KIAA1217: variants seen among roughly 807,000 people sequenced by gnomAD.
KIAA1217 encodes sickle tail protein homolog.
Under a neutral mutation model 163.9 loss-of-function variants are expected in KIAA1217, and 88 were observed. That is an observed-to-expected ratio of 0.54 (90% CI 0.45 to 0.64). KIAA1217 has a LOEUF of 0.64. Ranked by LOEUF, KIAA1217 falls within the 30% of genes least tolerant of loss-of-function variation. KIAA1217 has a pLI of 0.00. For synonymous variants in KIAA1217, 903 were observed against 923.1 expected, an observed-to-expected ratio of 0.98 and a Z score of 0.39; for missense variants, 2,372 against 2,475.0, an observed-to-expected ratio of 0.96 and a Z score of 0.88.
At chr10:24,188,658 T>C (rs1320453137) in intron 2 of KIAA1217, among the ~76,000 whole-genome samples, 1 of 151,572 alleles carries the variant, frequency 6.6e-6, no homozygotes, top group African/African-American at 2.4e-5. Flanking sequence ...AAGATGGAGG[T>C]TGGGCCTTAA....
chr10:24,239,218 A>C (rs1006414431), intron 2 of KIAA1217: 1 of 985,170 alleles, frequency 1.0e-6, no homozygotes. Flanking sequence ...CCAGACATGG[A>C]GGGGGGTTTT....
At chr10:23,882,323 G>C (rs889698552) in intron 1 of KIAA1217, among the ~76,000 whole-genome samples, 1 of 151,838 alleles carries the variant, frequency 6.6e-6, no homozygotes, top group East Asian at 2.0e-4. Flanking sequence ...GATGATCAAT[G>C]TTAATCAATA....
chr10:23,790,299 A>G (rs1197139876), intron 1 of KIAA1217, among the ~76,000 whole-genome samples: 1 of 97,488 alleles, frequency 1.0e-5, no homozygotes, highest in African/African-American at 4.7e-5. Flanking sequence ...ATGCATATGC[A>G]CATATGCATA....
At chr10:24,083,650 T>C (rs930274583) in intron 2 of KIAA1217, among the ~76,000 whole-genome samples, 1 of 152,222 alleles carries the variant, frequency 6.6e-6, no homozygotes, top group East Asian at 1.9e-4. Flanking sequence ...TTTCTAAATA[T>C]GTTTTCCATC....
intron 2 of KIAA1217, among the ~76,000 whole-genome samples, chr10:24,314,108 AC>A (rs971441822): frequency 1.3e-5 from 2 of 151,852 alleles, no homozygotes; most frequent in African/African-American, 4.8e-5. Flanking sequence ...AACCTTATTT[AC>A]CCTTGAAAGA....
chr10:23,760,290 G>A (rs1435718133), intron 1 of KIAA1217, among the ~76,000 whole-genome samples: 4 of 152,204 alleles, frequency 2.6e-5, no homozygotes, highest in East Asian at 1.9e-4. Flanking sequence ...TGGCTGGGAT[G>A]ACTGCTACAG....
At chr10:23,889,954 T>C (rs1412600642) in intron 1 of KIAA1217, among the ~76,000 whole-genome samples, 1 of 151,848 alleles carries the variant, frequency 6.6e-6, no homozygotes, top group African/African-American at 2.4e-5. Flanking sequence ...TAGCAGGTTG[T>C]AGGTTAACCC....
rs550986919 is a variant in KIAA1217, at chr10:24,319,113, C to T, written c.355-61756C>T. Among the ~76,000 whole-genome samples, 5 of 152,266 alleles carry T rather than the reference C, an allele frequency of 3.3e-5. No homozygotes were observed. The South Asian group carries it at 1.0e-3, about 32-fold the overall frequency. ...CGCTTTGGGGCCGGGCGTGGTGGCT[C>T]ACGCCTGTAATCCCAACACTTTGGG... On this transcript the variant is annotated intron_variant, in intron 2 of 20. Transcript: ENST00000376454.
chr10:24,109,855 T>C (rs1198529282), intron 2 of KIAA1217, among the ~76,000 whole-genome samples: 1 of 152,228 alleles, frequency 6.6e-6, no homozygotes, highest in African/African-American at 2.4e-5. Context: ...TAGATTGTTA[T>C]TGATGTCATG....
At chr10:24,284,379 C>T (rs1398483102) in intron 2 of KIAA1217, among the ~76,000 whole-genome samples, 3 of 152,096 alleles carry the variant, frequency 2.0e-5, no homozygotes, top group Admixed American at 1.3e-4. Flanking sequence ...TGTTCCTCTC[C>T]CTCCCACTCT....
In KIAA1217 at chr10:24,153,162, C is replaced by T. The variant is rs553141904; in HGVS notation, c.-170-66464C>T. Among the ~76,000 whole-genome samples, 13 of 152,292 alleles carry T rather than the reference C, an allele frequency of 8.5e-5. No individual in the cohort carries two copies. The South Asian group carries it at 2.7e-3, about 32-fold the overall frequency. On this transcript the variant is annotated intron_variant, in intron 2 of 18. Transcript: ENST00000376462. ...TGACTGTGGGGCTGTCTGTTTCGCT[C>T]CTGGGTTGATTGGCTACAGCTGGTC...
intron 2 of KIAA1217, among the ~76,000 whole-genome samples, chr10:24,247,347 G>A (rs1051635860): frequency 4.0e-5 from 6 of 151,652 alleles, no homozygotes; most frequent in Non-Finnish European, 7.4e-5. Context: ...GGCTGGTCTC[G>A]AACTCCTCCT....
chr10:24,236,668 T>C lies in KIAA1217; in HGVS notation c.354+16759T>C, dbSNP rs143627626. On this transcript the variant is annotated intron_variant, in intron 2 of 20. Transcript: ENST00000376454. ...AGGAGTTTTTTTTTTTGTTTTTTTT[T>C]TGAGGCATGTTCTTACTCAGTTGCC... Among the ~76,000 whole-genome samples the C allele has an allele frequency of 1.8e-3, 276 of 152,178 alleles. 2 individuals are homozygous for C. Among genetic ancestry groups the C allele is most frequent in the East Asian group, 7.7e-3 (40 of 5,178 alleles).
chr10:23,943,541 T>C (rs1480237128), intron 1 of KIAA1217, among the ~76,000 whole-genome samples: 1 of 152,230 alleles, frequency 6.6e-6, no homozygotes, highest in Admixed American at 6.5e-5. Context: ...ATGTCATTTC[T>C]CCCAAAATTT....
chr10:24,130,497 TTAA>T (rs1194828655), intron 2 of KIAA1217, among the ~76,000 whole-genome samples: 3 of 152,188 alleles, frequency 2.0e-5, no homozygotes, highest in African/African-American at 4.8e-5. Flanking sequence ...ATCAAAGCAG[TTAA>T]TGATGATGGT....
At chr10:24,358,783 G>A (rs1471756908) in intron 2 of KIAA1217, among the ~76,000 whole-genome samples, 2 of 152,174 alleles carry the variant, frequency 1.3e-5, no homozygotes, top group African/African-American at 4.8e-5. Flanking sequence ...CATTGCAATG[G>A]CAAGGTCATA....
At chr10:24,505,460 C>G (rs1316758651) in intron 9 of KIAA1217, among the ~76,000 whole-genome samples, 1 of 151,994 alleles carries the variant, frequency 6.6e-6, no homozygotes, top group Non-Finnish European at 1.5e-5. Context: ...AAAAAGCCCA[C>G]TTTTTCTAAA....
At chr10:23,962,581 G>T (rs1844862904) in intron 1 of KIAA1217, among the ~76,000 whole-genome samples, 2 of 152,282 alleles carry the variant, frequency 1.3e-5, no homozygotes, top group African/African-American at 4.8e-5. Context: ...TATATATTGT[G>T]TCTCAAATCT....
chr10:24,528,741 T>C (rs768789645), intron 14 of KIAA1217, among the ~76,000 whole-genome samples: 4 of 152,136 alleles, frequency 2.6e-5, no homozygotes, highest in African/African-American at 4.8e-5. Context: ...TTTCTATGCA[T>C]TTGTGATACT....
Sources: gnomAD v4.1 joint callset for allele counts (sites outside exome capture counted in the v4.1 genomes callset) on GRCh38, gnomAD v4.1.1 for gene constraint, MANE v1.5 for transcripts, NCBI Gene and HGNC (gene_info 2026-07-23, HGNC 2026-07-21) for gene names.